HS3ST5: variants seen among roughly 807,000 people sequenced by gnomAD.
HS3ST5 encodes heparan sulfate glucosamine 3-O-sulfotransferase 5.
Under a neutral mutation model 25.4 loss-of-function variants are expected in HS3ST5, and 10 were observed. The observed-to-expected ratio is 0.39, with a 90% CI of 0.24 to 0.67. The LOEUF (loss-of-function observed/expected upper bound fraction) is 0.67, where lower values mean the gene tolerates loss of function less well. Ranked by LOEUF, HS3ST5 falls within the 30% of genes least tolerant of loss-of-function variation. The pLI is 0.44. For missense variants in HS3ST5, 324 were observed against 420.7 expected, an observed-to-expected ratio of 0.77 and a Z score of 2.01; for synonymous variants, 170 against 162.4, an observed-to-expected ratio of 1.05 and a Z score of -0.36.
intron 3 of HS3ST5, among the ~76,000 whole-genome samples, chr6:114,105,574 CT>C (rs550220808): frequency 1.3e-3 from 194 of 152,112 alleles, no homozygotes; most frequent in African/African-American, 4.4e-3. Flanking sequence ...CATTTTCTGC[CT>C]GTGGAGAAAT....
intron 3 of HS3ST5, among the ~76,000 whole-genome samples, chr6:114,136,732 A>G (rs1317374113): frequency 6.6e-6 from 1 of 152,206 alleles, no homozygotes; most frequent in East Asian, 1.9e-4. Context: ...CCAATTCAAA[A>G]GCCTTGTTTT....
chr6:114,322,152 A>T (rs1775994829), intron 1 of HS3ST5, among the ~76,000 whole-genome samples: 1 of 152,126 alleles, frequency 6.6e-6, no homozygotes, highest in African/African-American at 2.4e-5. Flanking sequence ...AAAGTCAGAG[A>T]AGAAAAATTC....
chr6:114,337,849 A>T (rs557538830), intron 1 of HS3ST5, among the ~76,000 whole-genome samples: 3 of 152,272 alleles, frequency 2.0e-5, no homozygotes, highest in African/African-American at 7.2e-5. Flanking sequence ...GCCATATAGT[A>T]GCTGCAGAGC....
chr6:114,081,110 G>A (rs1206989849), intron 3 of HS3ST5, among the ~76,000 whole-genome samples: 1 of 152,182 alleles, frequency 6.6e-6, no homozygotes, highest in African/African-American at 2.4e-5. Flanking sequence ...TGGTGGAGCA[G>A]ACAGCACACA....
At chr6:114,147,934 A>G (rs1778251942) in intron 3 of HS3ST5, among the ~76,000 whole-genome samples, 1 of 152,146 alleles carries the variant, frequency 6.6e-6, no homozygotes, top group Non-Finnish European at 1.5e-5. Flanking sequence ...TCTCTGTTGC[A>G]GCATATATAT....
chr6:114,280,329 G>T (rs1774051394), intron 1 of HS3ST5, among the ~76,000 whole-genome samples: 1 of 151,934 alleles, frequency 6.6e-6, no homozygotes, highest in African/African-American at 2.4e-5. Context: ...AGTTAAGAAA[G>T]ATTTAACAGG....
intron 3 of HS3ST5, among the ~76,000 whole-genome samples, chr6:114,075,236 G>A (rs1347114537): frequency 6.6e-6 from 1 of 152,192 alleles, no homozygotes; most frequent in Non-Finnish European, 1.5e-5. Flanking sequence ...CGCATTCAGG[G>A]TGATGTGGCT....
intron 2 of HS3ST5, among the ~76,000 whole-genome samples, chr6:114,204,755 TGA>T (rs1187091520): frequency 6.6e-6 from 1 of 152,200 alleles, no homozygotes; most frequent in Non-Finnish European, 1.5e-5. Flanking sequence ...TTGCCTTTAT[TGA>T]GTCTTTCCAA....
chr6:114,323,613 C>A (rs1205753220), intron 1 of HS3ST5, among the ~76,000 whole-genome samples: 1 of 152,054 alleles, frequency 6.6e-6, no homozygotes, highest in East Asian at 1.9e-4. Context: ...GTGGAGGCTA[C>A]CTCATAGCAT....
chr6:114,262,135 A>G (rs898434178), intron 1 of HS3ST5, among the ~76,000 whole-genome samples: 2 of 152,248 alleles, frequency 1.3e-5, no homozygotes, highest in African/African-American at 4.8e-5. Context: ...ATGAGGCCAC[A>G]GATCACCTAA....
chr6:114,112,189 A>G (rs9481419), intron 3 of HS3ST5, among the ~76,000 whole-genome samples: 1,951 of 152,318 alleles, frequency 0.013, 33 homozygotes, highest in African/African-American at 0.041. Flanking sequence ...GCGAAGGGGA[A>G]TTAAAGTTGC....
chr6:114,296,146 T>C (rs1774810639), intron 1 of HS3ST5, among the ~76,000 whole-genome samples: 1 of 152,206 alleles, frequency 6.6e-6, no homozygotes, highest in South Asian at 2.1e-4. Flanking sequence ...TTCATCTCAC[T>C]GTTCATAACT....
chr6:114,310,518 A>T (rs1775484647), intron 1 of HS3ST5, among the ~76,000 whole-genome samples: 1 of 151,434 alleles, frequency 6.6e-6, no homozygotes. Flanking sequence ...TTATTTACTC[A>T]CCAAATAGCT....
chr6:114,103,857 A>ATTTTTTTTTTTTTTTTTT (rs71553394), intron 3 of HS3ST5, among the ~76,000 whole-genome samples: 83 of 107,104 alleles, frequency 7.7e-4, no homozygotes, highest in East Asian at 1.1e-3. Context: ...CACCTGGCTA[A>ATTTTTTTTTTTTTTTTTT]TTTTTTTTTT....
intron 3 of HS3ST5, among the ~76,000 whole-genome samples, chr6:114,158,705 A>G (rs1778809902): frequency 6.6e-6 from 1 of 152,354 alleles, no homozygotes; most frequent in Admixed American, 6.5e-5. Flanking sequence ...TCTTTGCAAA[A>G]TACCATGCAT....
At chr6:114,326,769 AT>A (rs1330492827) in intron 1 of HS3ST5, among the ~76,000 whole-genome samples, 2 of 152,286 alleles carry the variant, frequency 1.3e-5, no homozygotes, top group Non-Finnish European at 2.9e-5. Flanking sequence ...TCAGAATATT[AT>A]GAGACTCAGT....
chr6:114,224,600 TTTGA>T (rs1348375368), intron 2 of HS3ST5, among the ~76,000 whole-genome samples: 1 of 151,334 alleles, frequency 6.6e-6, no homozygotes, highest in Admixed American at 6.6e-5. Flanking sequence ...ACTTCTATAG[TTTGA>T]TTGTGAGTTT....
intron 1 of HS3ST5, among the ~76,000 whole-genome samples, chr6:114,272,858 GAC>G (rs1773692954): frequency 1.3e-5 from 2 of 152,134 alleles, no homozygotes; most frequent in South Asian, 2.1e-4. Flanking sequence ...AATATTTGAG[GAC>G]ACAAAGTGGA....
intron 1 of HS3ST5, among the ~76,000 whole-genome samples, chr6:114,290,231 A>G (rs189535932): frequency 1.1e-3 from 165 of 152,288 alleles, no homozygotes; most frequent in Non-Finnish European, 1.2e-4. Flanking sequence ...TCGAAGACAC[A>G]CTAAACACAG....
Sources: allele counts gnomAD v4.1 joint callset (sites outside exome capture counted in the v4.1 genomes callset), GRCh38; gene constraint gnomAD v4.1.1; transcripts MANE v1.5; gene names NCBI Gene and HGNC (gene_info 2026-07-23, HGNC 2026-07-21).